TNFSF4: variants seen among roughly 807,000 people sequenced by gnomAD.
The protein encoded by TNFSF4 is TNF superfamily member 4, also known as tumor necrosis factor ligand superfamily member 4.
Under a neutral mutation model 7.3 loss-of-function variants are expected in TNFSF4, and 4 were observed. The observed-to-expected ratio is 0.55, with a 90% CI of 0.27 to 1.25. The LOEUF is 1.25. TNFSF4 is among the 50% of genes most tolerant of loss of function. The probability of loss-of-function intolerance (pLI) is 0.12; values close to 1 mark genes in which losing one functional copy is unlikely to be tolerated. For synonymous variants in TNFSF4, 76 were observed against 83.7 expected (o/e 0.91, Z 0.50); for missense variants, 181 against 208.8 (o/e 0.87, Z 0.82).
chr1:173,395,537 T>C, the TNFSF4 span, among the ~76,000 whole-genome samples: 7 of 151,056 alleles, frequency 4.6e-5, no homozygotes, highest in African/African-American at 1.7e-4. Context: ...GAATTTGAAC[T>C]CTCAGCTTGA....
chr1:173,382,348 C>A, the TNFSF4 span, among the ~76,000 whole-genome samples: 3 of 152,294 alleles, frequency 2.0e-5, no homozygotes, highest in African/African-American at 4.8e-5. Flanking sequence ...ACAGTCCGGA[C>A]ACACCATCTT....
At chr1:173,445,416 A>G in the TNFSF4 span, among the ~76,000 whole-genome samples, 1 of 152,226 alleles carries the variant, frequency 6.6e-6, no homozygotes, top group Admixed American at 6.5e-5. Flanking sequence ...GAAGGCTGGG[A>G]TCCTTTAAGC....
At chr1:173,307,972 G>A in the TNFSF4 span, among the ~76,000 whole-genome samples, 1 of 151,878 alleles carries the variant, frequency 6.6e-6, no homozygotes, top group African/African-American at 2.4e-5. Context: ...TTACTAGTAA[G>A]GTGGAGCACC....
At chr1:173,291,730 G>C in the TNFSF4 span, among the ~76,000 whole-genome samples, 59 of 151,886 alleles carry the variant, frequency 3.9e-4, no homozygotes, top group African/African-American at 1.4e-3. Flanking sequence ...GAAAGAATAA[G>C]CAAGATTAAA....
chr1:173,279,186 C>A, the TNFSF4 span, among the ~76,000 whole-genome samples: 1 of 152,068 alleles, frequency 6.6e-6, no homozygotes, highest in Non-Finnish European at 1.5e-5. Flanking sequence ...AAGAGCACCC[C>A]TACATTTCAA....
chr1:173,319,210 G>T, the TNFSF4 span, among the ~76,000 whole-genome samples: 3 of 152,286 alleles, frequency 2.0e-5, no homozygotes, highest in East Asian at 5.8e-4. Context: ...CCCTGACAGT[G>T]CTAAAGGGTC....
the TNFSF4 span, among the ~76,000 whole-genome samples, chr1:173,303,520 G>C: frequency 5.9e-5 from 9 of 152,028 alleles, no homozygotes; most frequent in African/African-American, 2.2e-4. Context: ...GGAATTTAAA[G>C]TGGCGGTGTT....
chr1:173,405,295 C>T, the TNFSF4 span, among the ~76,000 whole-genome samples: 1 of 152,182 alleles, frequency 6.6e-6, no homozygotes, highest in Admixed American at 6.5e-5. Context: ...TAGCTGGGGT[C>T]CAGTAAAATT....
At chr1:173,208,849 CA>C (rs572693565), upstream of TNFSF4, among the ~76,000 whole-genome samples, 4,072 of 84,822 alleles carry the variant, frequency 0.048, 124 homozygotes, top group African/African-American at 0.14. Context: ...AGAGTCACAG[CA>C]AAAAAAAAAA....
At chr1:173,430,217 T>C in the TNFSF4 span, among the ~76,000 whole-genome samples, 2 of 152,202 alleles carry the variant, frequency 1.3e-5, no homozygotes, top group East Asian at 1.9e-4. Context: ...TGCGCCAAAT[T>C]TGAATCTTCT....
At chr1:173,343,318 T>C in the TNFSF4 span, among the ~76,000 whole-genome samples, 1 of 152,208 alleles carries the variant, frequency 6.6e-6, no homozygotes, top group Non-Finnish European at 1.5e-5. Flanking sequence ...GGACAAGCCA[T>C]TTCTCAAAAG....
chr1:173,234,714 T>A, the TNFSF4 span, among the ~76,000 whole-genome samples: 1,223 of 152,246 alleles, frequency 8.0e-3, 8 homozygotes, highest in African/African-American at 0.028. Flanking sequence ...AAACACTGCA[T>A]GTTCTCACTC....
the TNFSF4 span, among the ~76,000 whole-genome samples, chr1:173,309,685 T>C: frequency 2.6e-5 from 4 of 151,880 alleles, no homozygotes; most frequent in Non-Finnish European, 4.4e-5. Context: ...ATTAATGTTA[T>C]GCTAGCCTTA....
the TNFSF4 span, among the ~76,000 whole-genome samples, chr1:173,295,893 T>C: frequency 6.6e-6 from 1 of 152,050 alleles, no homozygotes; most frequent in Non-Finnish European, 1.5e-5. Context: ...ATGGCTCTGA[T>C]AGGGTCTTTT....
chr1:173,413,127 G>A, the TNFSF4 span, among the ~76,000 whole-genome samples: 1 of 152,174 alleles, frequency 6.6e-6, no homozygotes, highest in Non-Finnish European at 1.5e-5. Flanking sequence ...GATGTTCTAA[G>A]GGAGACAACT....
the TNFSF4 span, among the ~76,000 whole-genome samples, chr1:173,328,523 T>TA: frequency 6.9e-6 from 1 of 145,334 alleles, no homozygotes; most frequent in Non-Finnish European, 1.5e-5. Context: ...AATAAAAAAA[T>TA]ACAAAGTTTA....
the TNFSF4 span, among the ~76,000 whole-genome samples, chr1:173,287,737 A>C: frequency 6.6e-6 from 1 of 152,218 alleles, no homozygotes; most frequent in Admixed American, 6.5e-5. Flanking sequence ...CATTAAAAAA[A>C]CTCTACTGAT....
chr1:173,240,185 G>C, the TNFSF4 span, among the ~76,000 whole-genome samples: 1 of 151,576 alleles, frequency 6.6e-6, no homozygotes, highest in Non-Finnish European at 1.5e-5. Context: ...TATTTCTTAA[G>C]AATAAGTACA....
the TNFSF4 span, among the ~76,000 whole-genome samples, chr1:173,177,407 A>G: frequency 6.6e-6 from 1 of 152,072 alleles, no homozygotes; most frequent in African/African-American, 2.4e-5. Context: ...ACAAATGGAC[A>G]CAAAGAAGGA....
Sources: gnomAD v4.1 joint callset for allele counts (sites outside exome capture counted in the v4.1 genomes callset) on GRCh38, gnomAD v4.1.1 for gene constraint, MANE v1.5 for transcripts, NCBI Gene and HGNC (gene_info 2026-07-23, HGNC 2026-07-21) for gene names.